Variants in AZIN2 observed in about 807,000 individuals in gnomAD.
The protein encoded by AZIN2 is ODC antizyme inhibitor-2.
Under a neutral mutation model 47.8 loss-of-function variants are expected in AZIN2, and 28 were observed. The ratio of observed to expected loss-of-function variants is 0.59; its 90% CI spans 0.43 to 0.80. AZIN2 has a LOEUF of 0.80. AZIN2 is among the 30% of genes least tolerant of loss of function. The probability of loss-of-function intolerance (pLI) is 0.00; values close to 1 mark genes in which losing one functional copy is unlikely to be tolerated. For synonymous variants in AZIN2, 221 were observed against 239.4 expected, an observed-to-expected ratio of 0.92 and a Z score of 0.71; for missense variants, 535 against 582.5, an observed-to-expected ratio of 0.92 and a Z score of 0.84.
At chr1:33,089,464 T>C (rs1569929626) in intron 5 of AZIN2, among the ~76,000 whole-genome samples, 1 of 152,038 alleles carries the variant, frequency 6.6e-6, no homozygotes, top group Admixed American at 6.5e-5. Context: ...AAAAAAAAAT[T>C]ATAATCAAAG....
chr1:33,104,548 A>ATATG (rs1643905810), intron 10 of AZIN2, among the ~76,000 whole-genome samples: 1 of 151,712 alleles, frequency 6.6e-6, no homozygotes, highest in Non-Finnish European at 1.5e-5. Context: ...TATTACATAT[A>ATATG]TATATATATA....
At chr1:33,158,395 G>A in the AZIN2 span, 3 of 1,599,358 alleles carry the variant, frequency 1.9e-6, no homozygotes, top group Non-Finnish European at 2.6e-6. Context: ...AAAGGGGGCT[G>A]CACCAGGGAC....
the AZIN2 span, among the ~76,000 whole-genome samples, chr1:33,157,692 T>G: frequency 6.6e-6 from 1 of 152,070 alleles, no homozygotes; most frequent in Admixed American, 6.6e-5. Context: ...CTATGAAGTG[T>G]CCAGGCCTCA....
At chr1:33,108,645 G>T (rs1364628560) in intron 10 of AZIN2, among the ~76,000 whole-genome samples, 2 of 152,070 alleles carry the variant, frequency 1.3e-5, no homozygotes, top group Non-Finnish European at 2.9e-5. Context: ...GGCCCAGATT[G>T]ACTTCTTTCA....
chr1:33,146,037 C>A, the AZIN2 span: 1 of 385,094 alleles, frequency 2.6e-6, no homozygotes, highest in Non-Finnish European at 5.3e-6. Flanking sequence ...CCTAGTTCTG[C>A]AGTCAGCAGC....
the AZIN2 span, chr1:33,146,168 A>G: frequency 3.9e-4 from 100 of 256,424 alleles, no homozygotes; most frequent in African/African-American, 2.1e-3. Flanking sequence ...CTCTTCCAAC[A>G]ATTTTGCAAG....
chr1:33,124,265 C>T (rs1644840798), downstream of AZIN2, among the ~76,000 whole-genome samples: 1 of 152,176 alleles, frequency 6.6e-6, no homozygotes, highest in Admixed American at 6.5e-5. The surrounding 1 kb of genome is among the most constrained non-coding windows in gnomAD (Gnocchi z 4.6). Flanking sequence ...CACAGTGCAG[C>T]ATGGTCACAG....
At chr1:33,085,928 A>G (rs917702906) in intron 5 of AZIN2, among the ~76,000 whole-genome samples, 1 of 152,152 alleles carries the variant, frequency 6.6e-6, no homozygotes, top group African/African-American at 2.4e-5. Flanking sequence ...CTGGGCCTCC[A>G]CGTGGGATGA....
chr1:33,093,731 CTT>C (rs776963959), intron 7 of AZIN2, among the ~76,000 whole-genome samples: 72 of 134,564 alleles, frequency 5.4e-4, no homozygotes, highest in Non-Finnish European at 5.3e-4. Context: ...TTCTTTCTTT[CTT>C]TTTTTTTTTT....
the AZIN2 span, among the ~76,000 whole-genome samples, chr1:33,129,692 C>A: frequency 4.6e-3 from 702 of 152,334 alleles, 5 homozygotes; most frequent in Non-Finnish European, 7.2e-3. This position sits in a 1 kb window ranked among gnomAD's most constrained non-coding sequence, Gnocchi z 4.1. Flanking sequence ...TTGGTCCACA[C>A]TGGAGATTCT....
At chr1:33,149,553 T>C in the AZIN2 span, among the ~76,000 whole-genome samples, 1 of 152,114 alleles carries the variant, frequency 6.6e-6, no homozygotes, top group Admixed American at 6.6e-5. Flanking sequence ...CTCCTAGGCT[T>C]AAGTGATCCT....
intron 5 of AZIN2, among the ~76,000 whole-genome samples, chr1:33,091,673 A>G (rs959834257): frequency 2.6e-5 from 4 of 152,218 alleles, no homozygotes; most frequent in East Asian, 3.8e-4. Flanking sequence ...CCTTTGTGTA[A>G]ATTAGAAAAT....
chr1:33,147,821 C>A, the AZIN2 span: 1 of 1,412,552 alleles, frequency 7.1e-7, no homozygotes, highest in East Asian at 2.3e-5. The surrounding 1 kb of genome is among the most constrained non-coding windows in gnomAD (Gnocchi z 8.1). Flanking sequence ...CTGGTTGGTA[C>A]GCAGGAGGCC....
chr1:33,154,412 G>T, the AZIN2 span, among the ~76,000 whole-genome samples: 3 of 152,176 alleles, frequency 2.0e-5, no homozygotes, highest in Non-Finnish European at 2.9e-5. Context: ...GGCCCTGTAG[G>T]ATCTGGGGCC....
In AZIN2 at chr1:33,122,801, C is replaced by T. The variant is rs572333226; in HGVS notation, c.*2619C>T. ...TGTGCCTCCTGAAGCCCCTCCTGCG[C>T]GCACACTCACTCTCTCTCATTCTCT... On this transcript the variant is annotated 3_prime_UTR_variant, in exon 12 of 12. Transcript: ENST00000294517. 2.6e-5 allele frequency among the ~76,000 whole-genome samples: 4 copies of T among 152,136 alleles called. No homozygotes were observed. The highest frequency in any genetic ancestry group is 2.1e-4 in the South Asian group (1 of 4,828).
chr1:33,144,135 C>CT, the AZIN2 span, among the ~76,000 whole-genome samples: 2,714 of 146,124 alleles, frequency 0.019, 104 homozygotes, highest in African/African-American at 0.063. Flanking sequence ...AATGTTACTT[C>CT]TTTTTTTTTT....
At chr1:33,128,832 G>C in the AZIN2 span, among the ~76,000 whole-genome samples, 1 of 152,208 alleles carries the variant, frequency 6.6e-6, no homozygotes, top group Non-Finnish European at 1.5e-5. Flanking sequence ...CAGTAGAAAT[G>C]AACTTCTGAA....
chr1:33,094,472 T>C (rs1250662781), intron 7 of AZIN2, 76 bp from the exon 8 acceptor site: 1 of 1,472,818 alleles, frequency 6.8e-7, no homozygotes, highest in African/African-American at 1.4e-5. Flanking sequence ...GCCTGCCCAA[T>C]GTCATTCTTG....
Position 33,082,178 on chromosome 1 carries a change from T to G in AZIN2, c.-72T>G. 192 of 1,211,448 alleles carry G rather than the reference T, an allele frequency of 1.6e-4. No homozygotes were observed. Among genetic ancestry groups the G allele is most frequent in the Non-Finnish European group, 1.8e-4 (153 of 830,548 alleles). The allele number at this position is 1,211,448 out of a possible 1,614,324, so 75.0% of individuals were successfully genotyped here. On this transcript the variant is annotated splice_region_variant and 5_prime_UTR_variant, in exon 4 of 12. Transcript: ENST00000294517. ...CCCTTCATCTCCCCTCGCCCCGCAG[T>G]GTGTTGCATACTTTCTAAGGCGGCG...
Sources: allele counts gnomAD v4.1 joint callset (sites outside exome capture counted in the v4.1 genomes callset), GRCh38; gene constraint gnomAD v4.1.1; non-coding constraint Gnocchi (gnomAD v3.1); transcripts MANE v1.5; gene names NCBI Gene and HGNC (gene_info 2026-07-23, HGNC 2026-07-21).